The following TMCC1 variants were observed in gnomAD, a reference collection of about 807,000 sequenced individuals.
The protein encoded by TMCC1 is transmembrane and coiled-coil domains protein 1.
A neutral mutation model predicts 52.4 loss-of-function variants in TMCC1; 15 were observed. The observed-to-expected ratio is 0.29, with a 90% CI of 0.19 to 0.44. The LOEUF is 0.44. Among genes scored for constraint, TMCC1 ranks in the 20% least tolerant of loss-of-function variants. The probability of loss-of-function intolerance (pLI) is 1.00; values close to 1 mark genes in which losing one functional copy is unlikely to be tolerated. For synonymous variants in TMCC1, 279 were observed against 301.9 expected, an observed-to-expected ratio of 0.92 and a Z score of 0.79; for missense variants, 503 against 806.0, an observed-to-expected ratio of 0.62 and a Z score of 4.55.
intron 3 of TMCC1, among the ~76,000 whole-genome samples, chr3:129,829,545 A>T (rs2058813564): frequency 6.6e-6 from 1 of 152,044 alleles, no homozygotes; most frequent in Admixed American, 6.6e-5. Flanking sequence ...TATTTGTGCA[A>T]ATATATAAGA....
intron 2 of TMCC1, among the ~76,000 whole-genome samples, chr3:129,865,912 T>C (rs1451067514): frequency 6.6e-6 from 1 of 152,140 alleles, no homozygotes; most frequent in Non-Finnish European, 1.5e-5. Flanking sequence ...ACCAGCGGGA[T>C]CTCAAAATGC....
chr3:129,740,737 G>C (rs944132574), intron 4 of TMCC1, among the ~76,000 whole-genome samples: 12 of 152,118 alleles, frequency 7.9e-5, no homozygotes, highest in Admixed American at 7.9e-4. Context: ...ATCTCTACAA[G>C]CTGTAATTTA....
chr3:129,771,341 T>C (rs2054561434), intron 4 of TMCC1, among the ~76,000 whole-genome samples: 1 of 152,000 alleles, frequency 6.6e-6, no homozygotes, highest in Non-Finnish European at 1.5e-5. Context: ...ATTTGAAAAA[T>C]AAGGTTGCAA....
intron 4 of TMCC1, among the ~76,000 whole-genome samples, chr3:129,735,135 T>C (rs185989580): frequency 2.0e-5 from 3 of 152,196 alleles, no homozygotes; most frequent in African/African-American, 7.2e-5. Context: ...TCTCCTGACC[T>C]CATGACCCGC....
chr3:129,768,866 G>T (rs2054327260), intron 4 of TMCC1, among the ~76,000 whole-genome samples: 1 of 152,130 alleles, frequency 6.6e-6, no homozygotes, highest in African/African-American at 2.4e-5. Context: ...GCTGTAGTAT[G>T]ACCTCCCTAA....
chr3:129,832,678 T>C lies in TMCC1; in HGVS notation c.-131+96A>G, dbSNP rs574458043. On this transcript the variant is annotated intron_variant, in intron 3 of 6. Transcript: ENST00000393238. ...TTTTCCCTTAAGTTTTTCTTTCCAA[T>C]TTTTTAGTTTTTTGATAAATATGGT... 6.6e-5 allele frequency: 10 copies of C among 152,332 alleles called. No individual in the cohort carries two copies. In the East Asian group the frequency reaches 1.5e-3, roughly 23 times the overall value. The allele number at this position is 152,332 out of a possible 1,614,324, so 9.4% of individuals were successfully genotyped here. A position where few individuals can be genotyped will look rare whatever the true frequency, so the allele number is the denominator to read the frequency against.
chr3:129,829,979 A>T (rs962835155), intron 3 of TMCC1, among the ~76,000 whole-genome samples: 7 of 152,128 alleles, frequency 4.6e-5, no homozygotes, highest in African/African-American at 1.7e-4. Flanking sequence ...ATAACAGAGG[A>T]GCATAAACAG....
At chr3:129,799,911 A>G (rs1376206396) in intron 4 of TMCC1, among the ~76,000 whole-genome samples, 1 of 152,162 alleles carries the variant, frequency 6.6e-6, no homozygotes, top group Non-Finnish European at 1.5e-5. Context: ...ACATAAACAC[A>G]TTCACTGTTA....
chr3:129,652,085 GCT>G (rs1279779773), intron 6 of TMCC1, among the ~76,000 whole-genome samples: 1 of 152,116 alleles, frequency 6.6e-6, no homozygotes, highest in Non-Finnish European at 1.5e-5. Flanking sequence ...ACAAATATAT[GCT>G]CTTTTTTCAT....
In TMCC1 at chr3:129,800,677, T is replaced by C. The variant is rs1269669332; in HGVS notation, c.576+27126A>G. Reference sequence around the variant, plus strand: ...ATATATCCATCCATCTGAGTATTCATATAACACTACTCTCCTTGACAATTT... The same window carrying C: ...ATATATCCATCCATCTGAGTATTCACATAACACTACTCTCCTTGACAATTT... On this transcript the variant is annotated intron_variant, in intron 4 of 6. Coordinates refer to ENST00000393238, the MANE Select transcript of TMCC1 (RefSeq NM_001017395.5). 5.3e-5 allele frequency among the ~76,000 whole-genome samples: 8 copies of C among 151,892 alleles called. No individual in the cohort carries two copies. In the East Asian group the frequency reaches 1.4e-3, roughly 26 times the overall value.
chr3:129,686,585 T>C (rs918427904), intron 4 of TMCC1, among the ~76,000 whole-genome samples: 1 of 152,312 alleles, frequency 6.6e-6, no homozygotes. Context: ...TATGTAATGA[T>C]GAACAAACAG....
chr3:129,676,880 T>C (rs983144899), intron 4 of TMCC1, among the ~76,000 whole-genome samples: 23 of 152,192 alleles, frequency 1.5e-4, no homozygotes, highest in Admixed American at 2.6e-4. Context: ...CTGCCAAACA[T>C]GGTAAACTAA....
intron 4 of TMCC1, among the ~76,000 whole-genome samples, chr3:129,729,172 C>T (rs1576606401): frequency 6.6e-6 from 1 of 151,656 alleles, no homozygotes; most frequent in East Asian, 1.9e-4. Flanking sequence ...TTGCCATTTT[C>T]CTTTCCTACC....
At chr3:129,857,733 T>C (rs1414977515) in intron 2 of TMCC1, among the ~76,000 whole-genome samples, 1 of 79,038 alleles carries the variant, frequency 1.3e-5, no homozygotes, top group East Asian at 2.5e-4. Context: ...GGCTAATTTT[T>C]TGTATTTTTT....
intron 4 of TMCC1, among the ~76,000 whole-genome samples, chr3:129,696,415 C>T (rs1473587720): frequency 6.6e-6 from 1 of 152,214 alleles, no homozygotes; most frequent in African/African-American, 2.4e-5. Context: ...TCTCATGCTT[C>T]CCTAAAATGT....
At chr3:129,852,456 C>CAA (rs1015860543) in intron 2 of TMCC1, among the ~76,000 whole-genome samples, 371 of 38,742 alleles carry the variant, frequency 9.6e-3, no homozygotes, top group East Asian at 0.012. Flanking sequence ...GACACCGTCT[C>CAA]AAAAAAAAAA....
At chr3:129,773,330 G>A (rs1054268407) in intron 4 of TMCC1, among the ~76,000 whole-genome samples, 7 of 152,126 alleles carry the variant, frequency 4.6e-5, no homozygotes, top group African/African-American at 1.7e-4. Flanking sequence ...GTGGGAAGGC[G>A]AAGGGGGGTA....
intron 5 of TMCC1, among the ~76,000 whole-genome samples, chr3:129,659,094 CTTTTTT>C (rs902362203): frequency 3.2e-4 from 41 of 130,004 alleles, no homozygotes; most frequent in African/African-American, 1.0e-3. Flanking sequence ...TTCTTTCTTT[CTTTTTT>C]TTTTTTTTTT....
chr3:129,832,476 C>G (rs2058965846), intron 3 of TMCC1, among the ~76,000 whole-genome samples: 2 of 152,172 alleles, frequency 1.3e-5, no homozygotes, highest in African/African-American at 4.8e-5. Flanking sequence ...CAACAATTAA[C>G]TTTTCTAGCA....
Sources: gnomAD v4.1 joint callset for allele counts (sites outside exome capture counted in the v4.1 genomes callset) on GRCh38, gnomAD v4.1.1 for gene constraint, MANE v1.5 for transcripts, NCBI Gene and HGNC (gene_info 2026-07-23, HGNC 2026-07-21) for gene names.